Variants in INTS8 observed in about 807,000 individuals in gnomAD.
INTS8 encodes the protein protein kaonashi-1.
A neutral mutation model predicts 138.9 loss-of-function variants in INTS8; 47 were observed. The ratio of observed to expected loss-of-function variants is 0.34; its 90% CI spans 0.27 to 0.43. The LOEUF (loss-of-function observed/expected upper bound fraction) is 0.43, where lower values mean the gene tolerates loss of function less well. Ranked by LOEUF, INTS8 falls within the 20% of genes least tolerant of loss-of-function variation. The pLI is 1.00. For missense variants in INTS8, 996 were observed against 1,173.0 expected (o/e 0.85, Z 2.20); for synonymous variants, 392 against 400.9 (o/e 0.98, Z 0.27).
intron 15 of INTS8, among the ~76,000 whole-genome samples, chr8:94,859,069 C>T (rs1215468709): frequency 6.6e-6 from 1 of 152,012 alleles, no homozygotes; most frequent in Non-Finnish European, 1.5e-5. Flanking sequence ...AGTTCGAGAC[C>T]AGCCTGGACA....
chr8:94,832,591 C>T (rs1237379148), intron 6 of INTS8, among the ~76,000 whole-genome samples: 1 of 152,120 alleles, frequency 6.6e-6, no homozygotes, highest in Non-Finnish European at 1.5e-5. Context: ...CTTTCTATAA[C>T]TCTGGGCCCC....
chr8:94,878,877 T>A (rs1219899919), intron 26 of INTS8, among the ~76,000 whole-genome samples: 1 of 152,228 alleles, frequency 6.6e-6, no homozygotes, highest in Non-Finnish European at 1.5e-5. Context: ...TCATTTTTAT[T>A]GGATTACTTT....
chr8:94,848,372 T>C (rs1235153885), intron 10 of INTS8, among the ~76,000 whole-genome samples: 1 of 152,174 alleles, frequency 6.6e-6, no homozygotes, highest in Non-Finnish European at 1.5e-5. Context: ...TTCACGCATT[T>C]AAAGTGTATA....
At chr8:94,874,655 T>C (rs1816513195) in intron 23 of INTS8, 53 bp downstream of exon 23, 23 of 1,010,660 alleles carry the variant, frequency 2.3e-5, no homozygotes, top group Non-Finnish European at 3.2e-5. Context: ...TTAGAGTTTA[T>C]AATAAATATA....
intron 1 of INTS8, 58 bp downstream of exon 1, chr8:94,823,619 G>C (rs572324564): frequency 2.2e-6 from 3 of 1,341,304 alleles, no homozygotes; most frequent in East Asian, 2.7e-5. Flanking sequence ...TGTCCGCCCA[G>C]CTTCCCTCCG....
chr8:94,832,735 A>T (rs1814770719), intron 6 of INTS8, among the ~76,000 whole-genome samples: 2 of 151,954 alleles, frequency 1.3e-5, no homozygotes, highest in South Asian at 4.2e-4. Context: ...GCTCACTGCA[A>T]ACTCCGCCTC....
rs188906950 is a variant in INTS8, at chr8:94,846,299, A to C, written c.1261-3163A>C. Among the ~76,000 whole-genome samples the C allele has an allele frequency of 4.3e-3, 653 of 151,706 alleles. 11 individuals carry two copies. The highest frequency in any genetic ancestry group is 4.9e-3 in the Non-Finnish European group (331 of 67,886). On this transcript the variant is annotated intron_variant, in intron 10 of 26. Coordinates refer to ENST00000523731, the MANE Select transcript of INTS8 (RefSeq NM_017864.4). ...TATTTTTACTTTTTCTTTGAGATGG[A>C]GTTTCTTTCTTGTTGCCCAGGCTGC...
At position 94,867,149 on chromosome 8, in the gene INTS8, G is replaced by T; in HGVS notation, c.2305G>T (p.Val769Phe). 6.2e-7 allele frequency: 1 copy of T among 1,608,250 alleles called. No individual in the cohort carries two copies. Residue 769 changes from valine to phenylalanine, a missense_variant, in exon 19 of 27, where the codon GTT becomes TTT. Val to Phe is a conservative substitution (Grantham distance 50). Coordinates refer to ENST00000523731, the MANE Select transcript of INTS8 (RefSeq NM_017864.4). Reference protein sequence around the residue: ...SFIKKLREPLVLTIILSLFVK... With the variant: ...SFIKKLREPLFLTIILSLFVK... ...GTTTTCTTTCTCATAGGAACCACTC[G>T]TTTTGACTATTATTTTATCACTCTT... is the stretch of plus-strand genomic sequence containing the variant.
intron 4 of INTS8, 131 bp from the exon 5 acceptor site, chr8:94,828,844 C>A (rs1371981559): frequency 1.5e-6 from 1 of 648,346 alleles, no homozygotes; most frequent in African/African-American, 1.9e-5. Context: ...TTTTTTCAAA[C>A]ATGAAAATGA....
intron 12 of INTS8, among the ~76,000 whole-genome samples, chr8:94,850,338 C>T (rs1370969577): frequency 2.0e-5 from 3 of 152,174 alleles, no homozygotes; most frequent in Admixed American, 6.5e-5. Flanking sequence ...GAAGGCTGGG[C>T]GTGGTGGCTC....
At chr8:94,824,788 CCCCCCCCCACCCA>C (rs1160876209) in intron 1 of INTS8, 92 bp from the exon 2 acceptor site, 6 of 103,270 alleles carry the variant, frequency 5.8e-5, no homozygotes, top group African/African-American at 1.8e-4. Context: ...CCAAACTCCC[CCCCCCCCCACCCA>C]CCCCCCCAAA....
chr8:94,857,309 T>G (rs1449029202), intron 15 of INTS8, among the ~76,000 whole-genome samples: 1 of 152,070 alleles, frequency 6.6e-6, no homozygotes, highest in African/African-American at 2.4e-5. Flanking sequence ...TGACCTCAGG[T>G]GATCCACCCT....
At chr8:94,861,852 G>A (rs1586512993) in intron 16 of INTS8, among the ~76,000 whole-genome samples, 2 of 151,828 alleles carry the variant, frequency 1.3e-5, no homozygotes, top group South Asian at 2.1e-4. Context: ...CGCCCGGCCC[G>A]GCCCTTTTTG....
At chr8:94,849,717 C>CT (rs964268541) in intron 11 of INTS8, among the ~76,000 whole-genome samples, 185 bp downstream of exon 11, 4 of 151,806 alleles carry the variant, frequency 2.6e-5, no homozygotes, top group African/African-American at 4.8e-5. Flanking sequence ...ATATAGTTAC[C>CT]TTTTTTTAAT....
intron 2 of INTS8, 144 bp downstream of exon 2, chr8:94,825,211 GGGCCA>G: frequency 3.8e-6 from 2 of 524,896 alleles, no homozygotes; most frequent in Non-Finnish European, 6.6e-6. Context: ...GGCACTTTGG[GGGCCA>G]AGGCTGGCAG....
chr8:94,848,026 T>TTTTTTTTTTTTTTTTTC (rs1815395352), intron 10 of INTS8, among the ~76,000 whole-genome samples: 1 of 151,344 alleles, frequency 6.6e-6, no homozygotes, highest in Non-Finnish European at 1.5e-5. Context: ...TTTTTTTTTT[T>TTTTTTTTTTTTTTTTTC]GAGATGGAGT....
intron 20 of INTS8, among the ~76,000 whole-genome samples, chr8:94,870,270 G>A (rs138243064): frequency 6.6e-6 from 1 of 151,570 alleles, no homozygotes; most frequent in Non-Finnish European, 1.5e-5. Flanking sequence ...CCAGGATGAT[G>A]TTGATCTCCT....
rs992776462 is a variant in INTS8, at chr8:94,861,072, A to G, written c.2076+1440A>G. ...ACTCTGTCTCAAAAAAAAAAAAAAA[A>G]AAATCCTTTAAATCTGTGTTTTTCT... is the stretch of plus-strand genomic sequence containing the variant. On this transcript the variant is annotated intron_variant, in intron 16 of 26. Transcript: ENST00000523731. Among the ~76,000 whole-genome samples the G allele has an allele frequency of 3.3e-5, 5 of 151,064 alleles. No individual in the cohort carries two copies. The East Asian group carries it at 9.8e-4, about 30-fold the overall frequency.
chr8:94,856,548 T>C (rs1815752287), intron 14 of INTS8, among the ~76,000 whole-genome samples: 2 of 152,228 alleles, frequency 1.3e-5, no homozygotes, highest in Admixed American at 6.5e-5. Context: ...CATAATAATA[T>C]AAGTATTTTA....
Sources: gnomAD v4.1 joint callset for allele counts (sites outside exome capture counted in the v4.1 genomes callset) on GRCh38, gnomAD v4.1.1 for gene constraint, MANE v1.5 for transcripts, NCBI Gene and HGNC (gene_info 2026-07-23, HGNC 2026-07-21) for gene names.